HDHD2: variants seen among roughly 807,000 people sequenced by gnomAD.
HDHD2 encodes the protein haloacid dehalogenase-like hydrolase domain-containing protein 2.
In HDHD2, 26 loss-of-function variants were observed where a neutral mutation model predicts 24.8. The observed-to-expected ratio is 1.05, with a 90% CI of 0.77 to 1.45. The LOEUF (loss-of-function observed/expected upper bound fraction) is 1.45. Among genes scored for constraint, HDHD2 ranks in the 40% most tolerant of loss-of-function variants. HDHD2 has a pLI of 0.00. For missense variants in HDHD2, 299 were observed against 313.4 expected, an observed-to-expected ratio of 0.95 and a Z score of 0.35; for synonymous variants, 128 against 114.9, an observed-to-expected ratio of 1.11 and a Z score of -0.73.
At chr18:47,141,479 C>T (rs993446909) in intron 1 of HDHD2, among the ~76,000 whole-genome samples, 2 of 152,168 alleles carry the variant, frequency 1.3e-5, no homozygotes, top group Non-Finnish European at 2.9e-5. Context: ...TAGGGAGGAA[C>T]TAAACTCCAC....
intron 1 of HDHD2, among the ~76,000 whole-genome samples, chr18:47,147,535 A>C (rs904826097): frequency 2.6e-5 from 4 of 152,214 alleles, no homozygotes; most frequent in African/African-American, 9.6e-5. Context: ...ATACAGAGGA[A>C]TCTAAAATTG....
chr18:47,147,454 G>T (rs1472466062), intron 1 of HDHD2, among the ~76,000 whole-genome samples: 1 of 152,158 alleles, frequency 6.6e-6, no homozygotes, highest in Non-Finnish European at 1.5e-5. Flanking sequence ...ATTTGGATGT[G>T]TAATAGTTAA....
intron 1 of HDHD2, among the ~76,000 whole-genome samples, chr18:47,148,025 A>T (rs1398737237): frequency 7.3e-6 from 1 of 137,244 alleles, no homozygotes; most frequent in East Asian, 2.1e-4. Flanking sequence ...GTCTGACTCT[A>T]TCTCCTAGGC....
At chr18:47,136,529 C>G in intron 1 of HDHD2, 80 bp from the exon 2 acceptor site, 1 of 1,131,834 alleles carries the variant, frequency 8.8e-7, no homozygotes, top group Middle Eastern at 2.2e-4. Context: ...TCAAAAATAT[C>G]ACTCATATCC....
intron 2 of HDHD2, among the ~76,000 whole-genome samples, chr18:47,135,717 T>C (rs2063759561): frequency 1.3e-5 from 2 of 152,308 alleles, no homozygotes; most frequent in Middle Eastern, 3.4e-3. Flanking sequence ...TTGTGATTAG[T>C]TGATTTTTTT....
At chr18:47,149,454 TC>T (rs923553728) in intron 1 of HDHD2, among the ~76,000 whole-genome samples, 1 of 152,024 alleles carries the variant, frequency 6.6e-6, no homozygotes, top group African/African-American at 2.4e-5. Context: ...TTAAAACTCT[TC>T]CAGTGACTCC....
intron 4 of HDHD2, among the ~76,000 whole-genome samples, chr18:47,127,788 C>T (rs1337671744): frequency 6.6e-6 from 1 of 150,846 alleles, no homozygotes; most frequent in Non-Finnish European, 1.5e-5. Context: ...AAAGGCTGTA[C>T]TATGCGTTTT....
chr18:47,133,343 G>A (rs2144349218), intron 3 of HDHD2, among the ~76,000 whole-genome samples: 1 of 152,098 alleles, frequency 6.6e-6, no homozygotes, highest in South Asian at 2.1e-4. Context: ...TTTTATGGAT[G>A]CATAGTATTC....
At chr18:47,131,995 CA>C (rs1175683734) in intron 3 of HDHD2, among the ~76,000 whole-genome samples, 1 of 152,148 alleles carries the variant, frequency 6.6e-6, no homozygotes, top group Admixed American at 6.5e-5. Flanking sequence ...ACAATATTCA[CA>C]TGGTTCCAAA....
intron 4 of HDHD2, among the ~76,000 whole-genome samples, chr18:47,128,261 T>A (rs1436065046): frequency 6.6e-6 from 1 of 152,242 alleles, no homozygotes; most frequent in Non-Finnish European, 1.5e-5. Flanking sequence ...CTGAGTCTAG[T>A]ATTCATTAAG....
At chr18:47,138,445 G>A (rs2063788345) in intron 1 of HDHD2, among the ~76,000 whole-genome samples, 1 of 152,148 alleles carries the variant, frequency 6.6e-6, no homozygotes, top group Non-Finnish European at 1.5e-5. Flanking sequence ...AAAGGAGTCT[G>A]AAGAGACATG....
At chr18:47,117,512 C>T (rs980982266) in intron 4 of HDHD2, among the ~76,000 whole-genome samples, 8 of 152,340 alleles carry the variant, frequency 5.3e-5, no homozygotes, top group Admixed American at 5.2e-4. Context: ...TCACCCAGTG[C>T]AGGCCCTTCA....
rs145732746 is a variant in HDHD2 at position 47,146,843 on chromosome 18, G to A, written c.-11+3535C>T. On this transcript the variant is annotated intron_variant, in intron 1 of 6. Coordinates refer to ENST00000300605, the MANE Select transcript of HDHD2 (RefSeq NM_032124.5). ...GCAAGGGAATGATTACCACAAGAGTGGGGATAATGATTACCCTCCAGAGGA... is the reference window on the plus strand; with the variant it reads ...GCAAGGGAATGATTACCACAAGAGTAGGGATAATGATTACCCTCCAGAGGA... 2.1e-3 allele frequency among the ~76,000 whole-genome samples: 325 copies of A among 152,270 alleles called. 1 individual carries two copies. Among genetic ancestry groups the A allele is most frequent in the African/African-American group, 7.6e-3 (316 of 41,558 alleles).
At chr18:47,116,738 C>G (rs931000805) in intron 4 of HDHD2, among the ~76,000 whole-genome samples, 5 of 152,140 alleles carry the variant, frequency 3.3e-5, no homozygotes, top group African/African-American at 1.2e-4. Flanking sequence ...CTCCTGTCAC[C>G]CCACCCCCAA....
At chr18:47,111,367 T>TAAAAAAAA (rs547835822) in intron 6 of HDHD2, 4 of 700,126 alleles carry the variant, frequency 5.7e-6, no homozygotes, top group African/African-American at 5.6e-5. Flanking sequence ...TTACATGAGC[T>TAAAAAAAA]AAAAAAAAAA....
intron 4 of HDHD2, among the ~76,000 whole-genome samples, chr18:47,128,840 C>G (rs2063685171): frequency 6.6e-6 from 1 of 152,154 alleles, no homozygotes; most frequent in Admixed American, 6.5e-5. Context: ...TCAAGATGAA[C>G]AGCAAACAAT....
At chr18:47,130,116 G>T in intron 4 of HDHD2, 128 bp downstream of exon 4, 1 of 548,520 alleles carries the variant, frequency 1.8e-6, no homozygotes, top group Non-Finnish European at 3.2e-6. Flanking sequence ...TGATCTTGAA[G>T]ATGTCTATCC....
chr18:47,117,745 A>C (rs1050987032), intron 4 of HDHD2, among the ~76,000 whole-genome samples: 2 of 152,172 alleles, frequency 1.3e-5, no homozygotes, highest in African/African-American at 4.8e-5. Flanking sequence ...TGGGAGACCA[A>C]GATGGGAGGC....
chr18:47,144,222 G>T (rs2063845993), intron 1 of HDHD2, among the ~76,000 whole-genome samples: 1 of 152,148 alleles, frequency 6.6e-6, no homozygotes, highest in Non-Finnish European at 1.5e-5. Flanking sequence ...CACACTATGT[G>T]ACCTTAAGTT....
Sources: allele counts gnomAD v4.1 joint callset (sites outside exome capture counted in the v4.1 genomes callset), GRCh38; gene constraint gnomAD v4.1.1; transcripts MANE v1.5; gene names NCBI Gene and HGNC (gene_info 2026-07-23, HGNC 2026-07-21).